The following RNF146 variants were observed in gnomAD, a reference collection of about 807,000 sequenced individuals.
RNF146 encodes the protein E3 ubiquitin-protein ligase RNF146.
Under a neutral mutation model 29.7 loss-of-function variants are expected in RNF146, and 11 were observed. The observed-to-expected ratio is 0.37, with a 90% CI of 0.23 to 0.61. The LOEUF (loss-of-function observed/expected upper bound fraction) is 0.61. RNF146 is among the 20% of genes least tolerant of loss of function. The pLI is 0.66. For missense variants in RNF146, 342 were observed against 438.9 expected (o/e 0.78, Z 1.97); for synonymous variants, 150 against 159.7 (o/e 0.94, Z 0.46).
chr6:127,273,799 G>A (rs1053408680), intron 1 of RNF146, among the ~76,000 whole-genome samples: 2 of 151,970 alleles, frequency 1.3e-5, no homozygotes, highest in African/African-American at 4.8e-5. Flanking sequence ...AAATAAATAT[G>A]TCTTTGGCTG....
rs1582909242 is a variant in RNF146, at chr6:127,287,787, T to G, written c.*94T>G. 3 of 779,410 alleles carry G rather than the reference T, an allele frequency of 3.8e-6. No homozygotes were observed. Among genetic ancestry groups the G allele is most frequent in the East Asian group, 2.5e-5 (1 of 40,254 alleles). The allele number at this position is 779,410 out of a possible 1,614,324, so 48.3% of individuals were successfully genotyped here. On this transcript the variant is annotated 3_prime_UTR_variant, in exon 3 of 3. Coordinates refer to ENST00000368314, the MANE Select transcript of RNF146 (RefSeq NM_001242850.2). ...TATACTCATCCCTAGTAGTGCATTT[T>G]GGGAGTTGGGGTGGGAAGGGGTATG...
chr6:127,269,634 C>T (rs1441867957), intron 1 of RNF146, among the ~76,000 whole-genome samples: 1 of 152,088 alleles, frequency 6.6e-6, no homozygotes, highest in East Asian at 1.9e-4. Context: ...CCAAGTATGA[C>T]CTATGCTTTT....
At chr6:127,274,158 C>A (rs1582870352) in intron 1 of RNF146, among the ~76,000 whole-genome samples, 2 of 152,112 alleles carry the variant, frequency 1.3e-5, no homozygotes, top group South Asian at 4.1e-4. Flanking sequence ...AATGCATCTC[C>A]TTGAATTAAC....
chr6:127,268,041 C>G (rs544209843), intron 1 of RNF146, among the ~76,000 whole-genome samples: 1 of 152,124 alleles, frequency 6.6e-6, no homozygotes, highest in Admixed American at 6.5e-5. Flanking sequence ...TTTATTTTCT[C>G]TAAGTGCCAT....
At chr6:127,281,241 CTAA>C (rs760225693) in intron 2 of RNF146, among the ~76,000 whole-genome samples, 1 of 151,544 alleles carries the variant, frequency 6.6e-6, no homozygotes, top group Non-Finnish European at 1.5e-5. Context: ...AAAAATGATA[CTAA>C]TAAGCATTTG....
chr6:127,280,262 A>G lies in RNF146; in HGVS notation c.-77A>G, dbSNP rs1291424836. ...GAATGAACCAGCAGTGGAAGAGAAA[A>G]TACTGTAAGCTGGCTGACTGCTGGT... On this transcript the variant is annotated 5_prime_UTR_variant, in exon 2 of 3. Transcript: ENST00000368314. 2.1e-5 allele frequency: 31 copies of G among 1,457,568 alleles called. No homozygotes were observed. In the East Asian group the frequency reaches 7.7e-4, roughly 36 times the overall value. The allele number at this position is 1,457,568 out of a possible 1,614,324, so 90.3% of individuals were successfully genotyped here.
chr6:127,279,247 T>G (rs997459976), intron 1 of RNF146, among the ~76,000 whole-genome samples: 1 of 151,870 alleles, frequency 6.6e-6, no homozygotes, highest in Admixed American at 6.6e-5. Context: ...AGTTTTATGG[T>G]TTTATTTCTT....
intron 1 of RNF146, among the ~76,000 whole-genome samples, chr6:127,274,271 A>G (rs929734407): frequency 2.0e-5 from 3 of 152,146 alleles, no homozygotes; most frequent in Non-Finnish European, 1.5e-5. Context: ...ATAGTTTTAT[A>G]GGAAAGATCA....
At chr6:127,275,654 C>T (rs1048681951) in intron 1 of RNF146, among the ~76,000 whole-genome samples, 1 of 151,946 alleles carries the variant, frequency 6.6e-6, no homozygotes, top group Non-Finnish European at 1.5e-5. Flanking sequence ...GAAAAACATA[C>T]AAAACATAGA....
chr6:127,287,792 G>T lies in RNF146; in HGVS notation c.*99G>T. ...TCATCCCTAGTAGTGCATTTTGGGA[G>T]TTGGGGTGGGAAGGGGTATGGGAAG... On this transcript the variant is annotated 3_prime_UTR_variant, in exon 3 of 3. Coordinates refer to ENST00000368314, the MANE Select transcript of RNF146 (RefSeq NM_001242850.2). The T allele has an allele frequency of 1.3e-6, 1 of 744,824 alleles. No individual in the cohort carries two copies. Among genetic ancestry groups the T allele is most frequent in the Non-Finnish European group, 2.3e-6 (1 of 437,266 alleles). 46.1% of individuals were successfully genotyped at this position (744,824 alleles called of 1,614,324 possible). A position where few individuals can be genotyped will look rare whatever the true frequency, so the allele number is the denominator to read the frequency against.
intron 2 of RNF146, among the ~76,000 whole-genome samples, chr6:127,283,557 T>C (rs1211269423): frequency 6.6e-6 from 1 of 151,796 alleles, no homozygotes; most frequent in Non-Finnish European, 1.5e-5. Context: ...AAATGGTTTT[T>C]TAAAAAGCCT....
At position 127,287,723 on chromosome 6, in the gene RNF146, G is replaced by A. The variant is rs374302123; in HGVS notation, c.*30G>A. The A allele has an allele frequency of 9.5e-5, 128 of 1,344,736 alleles. No homozygotes were observed. In the African/African-American group the frequency reaches 1.8e-3, roughly 18 times the overall value. 83.3% of individuals were successfully genotyped at this position (1,344,736 alleles called of 1,614,324 possible). A position where few individuals can be genotyped will look rare whatever the true frequency, so the allele number is the denominator to read the frequency against. ...AAATGTCTTCAGCTCCATGCTCAAG[G>A]TTGAAAGGGTTACCTGTAAATTTCT... On this transcript the variant is annotated 3_prime_UTR_variant, in exon 3 of 3. Transcript: ENST00000368314.
chr6:127,285,298 A>C (rs1779367186), intron 2 of RNF146: 8 of 985,026 alleles, frequency 8.1e-6, no homozygotes, highest in Non-Finnish European at 8.4e-6. Flanking sequence ...TTGAAGATTG[A>C]ATGTGCTGTG....
At position 127,287,821 on chromosome 6, in the gene RNF146, A is replaced by G. The variant is rs1779731000; in HGVS notation, c.*128A>G. The stretch of plus-strand genomic sequence containing the variant: ...GGGTGGGAAGGGGTATGGGAAGGAT[A>G]GACTCATAATTAAAATGTCTAACAT... On this transcript the variant is annotated 3_prime_UTR_variant, in exon 3 of 3. Coordinates refer to ENST00000368314, the MANE Select transcript of RNF146 (RefSeq NM_001242850.2). 1 of 638,810 alleles carries G rather than the reference A, an allele frequency of 1.6e-6. No homozygotes were observed. The highest frequency in any genetic ancestry group is 2.8e-6 in the Non-Finnish European group (1 of 353,530). 39.6% of individuals were successfully genotyped at this position (638,810 alleles called of 1,614,324 possible).
chr6:127,285,301 G>A, intron 2 of RNF146: 7 of 985,014 alleles, frequency 7.1e-6, no homozygotes, highest in Non-Finnish European at 8.4e-6. Context: ...AAGATTGAAT[G>A]TGCTGTGATG....
At chr6:127,270,216 T>A (rs1777271615) in intron 1 of RNF146, among the ~76,000 whole-genome samples, 1 of 152,202 alleles carries the variant, frequency 6.6e-6, no homozygotes, top group Admixed American at 6.5e-5. Flanking sequence ...GGGTCAAGAT[T>A]TAAATTCATT....
intron 1 of RNF146, among the ~76,000 whole-genome samples, chr6:127,273,049 A>G (rs1424235762): frequency 8.9e-6 from 1 of 112,264 alleles, no homozygotes; most frequent in Non-Finnish European, 1.9e-5. Context: ...CAGGTAATTT[A>G]ACTTCTTGTA....
chr6:127,274,591 G>A (rs1034442325), intron 1 of RNF146, among the ~76,000 whole-genome samples: 6 of 152,256 alleles, frequency 3.9e-5, no homozygotes, highest in South Asian at 4.1e-4. Context: ...GTGATTGAAC[G>A]AAATTTTTAG....
chr6:127,280,558 C>T, intron 2 of RNF146: 3 of 1,234,660 alleles, frequency 2.4e-6, no homozygotes, highest in Non-Finnish European at 3.0e-6. Context: ...ATAAGAAAAA[C>T]TGAAGACACA....
Sources: gnomAD v4.1 joint callset for allele counts (sites outside exome capture counted in the v4.1 genomes callset) on GRCh38, gnomAD v4.1.1 for gene constraint, MANE v1.5 for transcripts, NCBI Gene and HGNC (gene_info 2026-07-23, HGNC 2026-07-21) for gene names.